Variants in TLN2 observed in about 807,000 individuals in gnomAD.
TLN2 encodes the protein talin-2.
TLN2 carries 118 observed loss-of-function variants against 294.7 expected under a neutral mutation model. The ratio of observed to expected loss-of-function variants is 0.40; its 90% CI spans 0.34 to 0.47. The LOEUF (loss-of-function observed/expected upper bound fraction) is 0.47, where lower values mean the gene tolerates loss of function less well. TLN2 is among the 20% of genes least tolerant of loss of function. The pLI is 0.84. For missense variants in TLN2, 3,083 were observed against 3,282.2 expected, an observed-to-expected ratio of 0.94 and a Z score of 1.48; for synonymous variants, 1,431 against 1,304.5, an observed-to-expected ratio of 1.10 and a Z score of -2.09.
At chr15:62,632,449 T>C (rs1338733107) in intron 3 of TLN2, among the ~76,000 whole-genome samples, 1 of 152,190 alleles carries the variant, frequency 6.6e-6, no homozygotes, top group Non-Finnish European at 1.5e-5. Flanking sequence ...TATTCCAGAC[T>C]TGTCACCCTG....
chr15:62,504,026 C>A (rs400892), intron 1 of TLN2, among the ~76,000 whole-genome samples: 72,502 of 151,990 alleles, frequency 0.48, 18,968 homozygotes, highest in African/African-American at 0.7. Context: ...AAATCAGTGG[C>A]ATCAGTTGCA....
intron 2 of TLN2, among the ~76,000 whole-genome samples, chr15:62,591,403 C>G (rs1225110529): frequency 6.6e-6 from 1 of 152,158 alleles, no homozygotes; most frequent in Admixed American, 6.5e-5. Flanking sequence ...AGGTACTTTA[C>G]CTGTACATTG....
At position 62,771,103 on chromosome 15, in the gene TLN2, A is replaced by T. The variant is rs766763432; in HGVS notation, c.5336A>T (p.Tyr1779Phe). 10 of 1,612,164 alleles carry T rather than the reference A, an allele frequency of 6.2e-6. No homozygotes were observed. Among genetic ancestry groups the T allele is most frequent in the Non-Finnish European group, 8.5e-6 (10 of 1,178,800 alleles). ...GCAGAGTCTGCCTTGCAGATGTTGT[A>T]TGCAGCCAAAGAAGGTGGCGGAAAC... ...TLAESALQMLYAAKEGGGNPK... is the reference protein window; with the variant it reads ...TLAESALQMLFAAKEGGGNPK... The change falls in exon 42 of 59, where the codon TAT becomes TTT. Residue 1779 changes from tyrosine to phenylalanine, a missense_variant. Coordinates refer to ENST00000636159, the MANE Select transcript of TLN2 (RefSeq NM_015059.3).
intron 31 of TLN2, 111 bp downstream of exon 31, chr15:62,739,656 G>A (rs942580225): frequency 7.6e-7 from 1 of 1,309,060 alleles, no homozygotes; most frequent in South Asian, 1.5e-5. Context: ...AAACAGGCAG[G>A]CCATGGTTGC....
intron 52 of TLN2, among the ~76,000 whole-genome samples, chr15:62,815,037 G>A (rs940775638): frequency 6.6e-6 from 1 of 152,180 alleles, no homozygotes; most frequent in African/African-American, 2.4e-5. Context: ...AAGCCAAATT[G>A]CTAATCTAGA....
At chr15:62,825,818 A>ATATATATTATATATTATATTATATAT (rs377038608) in intron 54 of TLN2, among the ~76,000 whole-genome samples, 6 of 74,456 alleles carry the variant, frequency 8.1e-5, no homozygotes, top group African/African-American at 5.5e-4. Context: ...TTATATTATA[A>ATATATATTATATATTATATTATATAT]TATATATTAT....
At chr15:62,762,505 A>C (rs941874434) in intron 39 of TLN2, 52 bp downstream of exon 39, 1 of 1,593,424 alleles carries the variant, frequency 6.3e-7, no homozygotes. Context: ...GCGGGGAAGG[A>C]GGAGGATAAG....
intron 1 of TLN2, among the ~76,000 whole-genome samples, chr15:62,429,050 G>A (rs1042759283): frequency 3.4e-5 from 5 of 145,354 alleles, no homozygotes; most frequent in Non-Finnish European, 1.5e-5. Flanking sequence ...CTGGAGACCG[G>A]CCCTGGAGCA....
intron 4 of TLN2, among the ~76,000 whole-genome samples, chr15:62,649,762 G>A (rs891266491): frequency 2.0e-5 from 3 of 152,128 alleles, no homozygotes; most frequent in Non-Finnish European, 4.4e-5. Context: ...GGTTTTTATA[G>A]CAAGGGATAG....
chr15:62,466,950 A>G (rs1447552153), intron 1 of TLN2, among the ~76,000 whole-genome samples: 1 of 152,368 alleles, frequency 6.6e-6, no homozygotes, highest in Non-Finnish European at 1.5e-5. Context: ...TCCAAAAGCC[A>G]ATGAGATTTC....
Position 62,542,007 on chromosome 15 carries a change from A to G in TLN2, c.-237-47680A>G, listed in dbSNP as rs75074186. Among the ~76,000 whole-genome samples the G allele has an allele frequency of 5.3e-4, 81 of 151,980 alleles. 1 individual carries two copies. In the East Asian group the frequency reaches 0.015, roughly 28 times the overall value. On this transcript the variant is annotated intron_variant, in intron 1 of 58. Transcript: ENST00000636159. Reference sequence around the variant, plus strand: ...AAAGGAACCCTTGGCGAATACTTTCATAAGATGCAAAGAGTGTTTATTTAG... The same window carrying G: ...AAAGGAACCCTTGGCGAATACTTTCGTAAGATGCAAAGAGTGTTTATTTAG...
intron 1 of TLN2, among the ~76,000 whole-genome samples, chr15:62,508,630 TTTATCAAA>T: frequency 6.6e-6 from 1 of 152,210 alleles, no homozygotes; most frequent in East Asian, 1.9e-4. Context: ...AGAAATACGA[TTTATCAAA>T]TAAAAAAGGT....
At chr15:62,498,555 C>A (rs2039138522) in intron 1 of TLN2, among the ~76,000 whole-genome samples, 1 of 152,020 alleles carries the variant, frequency 6.6e-6, no homozygotes, top group African/African-American at 2.4e-5. Context: ...TCTTCATTTG[C>A]CAAGGGATAT....
At chr15:62,813,596 A>C (rs1329705518) in intron 52 of TLN2, among the ~76,000 whole-genome samples, 1 of 152,222 alleles carries the variant, frequency 6.6e-6, no homozygotes, top group African/African-American at 2.4e-5. Context: ...CAAGATTAAA[A>C]GTTACCTCCA....
intron 1 of TLN2, among the ~76,000 whole-genome samples, chr15:62,473,056 C>G (rs2037573876): frequency 6.6e-6 from 1 of 152,186 alleles, no homozygotes; most frequent in Admixed American, 6.5e-5. Context: ...GAGGAAAGAC[C>G]AGTGGGTTTG....
Position 62,686,742 on chromosome 15 carries a change from G to A in TLN2, c.1059G>A (p.Glu353=). 6.2e-7 allele frequency: 1 copy of A among 1,613,820 alleles called. No homozygotes were observed. ...AGAAGACCAAGGAAGTGCTGCAGGAGTGGCCCCTCACCACCGTCAAGCGCT... is the reference window on the plus strand; with the variant it reads ...AGAAGACCAAGGAAGTGCTGCAGGAATGGCCCCTCACCACCGTCAAGCGCT... The part of the protein sequence containing the change: ...VDEKTKEVLQ[E]WPLTTVKRWA... The change falls in exon 12 of 59, where the codon GAG becomes GAA. Residue 353 remains glutamate, a synonymous_variant. Transcript: ENST00000636159.
At chr15:62,825,851 ATT>A (rs2068124879) in intron 54 of TLN2, among the ~76,000 whole-genome samples, 3 of 93,140 alleles carry the variant, frequency 3.2e-5, no homozygotes, top group African/African-American at 1.7e-4. Context: ...ATATAAATAT[ATT>A]ATATATATAT....
At chr15:62,450,543 A>ATGTG (rs1477361778) in intron 1 of TLN2, among the ~76,000 whole-genome samples, 8 of 55,166 alleles carry the variant, frequency 1.5e-4, no homozygotes, top group Middle Eastern at 7.8e-3. Context: ...GTATGTATGT[A>ATGTG]TGTATGTGTG....
chr15:62,540,014 C>T (rs889694106), intron 1 of TLN2, among the ~76,000 whole-genome samples: 5 of 151,948 alleles, frequency 3.3e-5, no homozygotes, highest in Admixed American at 1.3e-4. Context: ...CAAACGAACT[C>T]ATCACTGTGC....
Sources: allele counts gnomAD v4.1 joint callset (sites outside exome capture counted in the v4.1 genomes callset), GRCh38; gene constraint gnomAD v4.1.1; transcripts MANE v1.5; gene names NCBI Gene and HGNC (gene_info 2026-07-23, HGNC 2026-07-21).